The following LGR6 variants were observed in gnomAD, a reference collection of about 807,000 sequenced individuals.
LGR6 encodes leucine rich repeat containing G protein-coupled receptor 6, also known as leucine-rich repeat-containing G protein-coupled receptor 6.
Under a neutral mutation model 69.4 loss-of-function variants are expected in LGR6, and 45 were observed. The observed-to-expected ratio is 0.65, with a 90% CI of 0.51 to 0.83. The LOEUF (loss-of-function observed/expected upper bound fraction) is 0.83. Among genes scored for constraint, LGR6 ranks in the 40% least tolerant of loss-of-function variants. The pLI is 0.00. For missense variants in LGR6, 1,108 were observed against 1,246.7 expected, an observed-to-expected ratio of 0.89 and a Z score of 1.68; for synonymous variants, 538 against 555.0, an observed-to-expected ratio of 0.97 and a Z score of 0.43.
chr1:202,194,965 CCTGT>C (rs1410802279), intron 1 of LGR6, among the ~76,000 whole-genome samples: 3 of 152,178 alleles, frequency 2.0e-5, no homozygotes, highest in East Asian at 1.9e-4. Flanking sequence ...GGGCAGCTGT[CCTGT>C]CTGTCTGGCT....
At chr1:202,297,943 A>G (rs1667283518) in intron 7 of LGR6, among the ~76,000 whole-genome samples, 1 of 152,254 alleles carries the variant, frequency 6.6e-6, no homozygotes, top group Non-Finnish European at 1.5e-5. Flanking sequence ...ACTGGTTTAT[A>G]GGATCACTCC....
chr1:202,300,925 G>A lies in LGR6; in HGVS notation c.857+5G>A. 1.2e-6 allele frequency: 2 copies of A among 1,607,858 alleles called. No individual in the cohort carries two copies. The highest frequency in any genetic ancestry group is 1.7e-6 in the Non-Finnish European group (2 of 1,175,720). On this transcript the variant is annotated splice_donor_5th_base_variant and intron_variant, in intron 8 of 17. Transcript: ENST00000367278. ...GAACCCTCTGCTACAGACGATGTGA[G>A]TACTACTTTCTCTGGTCTCTTAATG...
Position 202,303,436 on chromosome 1 carries a change from G to A in LGR6, c.998+89G>A, listed in dbSNP as rs1667754087. On this transcript the variant is annotated intron_variant, in intron 10 of 17. Transcript: ENST00000367278. ...CTCCCTGCCCCTGGAAGGCTGTCTA[G>A]GTTCCTTGCTTCCCTTTTATCCAGC... 9 of 1,027,566 alleles carry A rather than the reference G, an allele frequency of 8.8e-6. No individual in the cohort carries two copies. In the Admixed American group the frequency reaches 1.6e-4, roughly 18 times the overall value. 63.7% of individuals were successfully genotyped at this position (1,027,566 alleles called of 1,614,324 possible). A position where few individuals can be genotyped will look rare whatever the true frequency, so the allele number is the denominator to read the frequency against.
chr1:202,218,674 C>A lies in LGR6; in HGVS notation c.213-6749C>A, dbSNP rs545063457. Among the ~76,000 whole-genome samples, 113 of 152,250 alleles carry A rather than the reference C, an allele frequency of 7.4e-4. 1 individual carries two copies. Among genetic ancestry groups the A allele is most frequent in the African/African-American group, 2.0e-3 (85 of 41,558 alleles). On this transcript the variant is annotated intron_variant, in intron 1 of 17. Coordinates refer to ENST00000367278, the MANE Select transcript of LGR6 (RefSeq NM_001017403.2). ...GCCCCCACAAGTAACATGAGGTGCT[C>A]TCTGGTGCTTTCCTCTCTGAACTCA...
intron 3 of LGR6, among the ~76,000 whole-genome samples, chr1:202,230,867 G>T (rs1321427199): frequency 6.6e-6 from 1 of 152,180 alleles, no homozygotes. Flanking sequence ...GGCTTCAGTT[G>T]CTTCTTACCA....
At chr1:202,216,547 T>C (rs1659795985) in intron 1 of LGR6, among the ~76,000 whole-genome samples, 1 of 152,240 alleles carries the variant, frequency 6.6e-6, no homozygotes, top group Non-Finnish European at 1.5e-5. Flanking sequence ...TTAAATTTAA[T>C]TTTAATGAAC....
chr1:202,279,114 T>C (rs1665814870), intron 5 of LGR6, among the ~76,000 whole-genome samples: 1 of 151,904 alleles, frequency 6.6e-6, no homozygotes, highest in Non-Finnish European at 1.5e-5. Context: ...GGGTGGAAAA[T>C]GGAGACAGGA....
intron 3 of LGR6, among the ~76,000 whole-genome samples, chr1:202,233,782 T>G (rs527912240): frequency 6.6e-6 from 1 of 152,310 alleles, no homozygotes; most frequent in South Asian, 2.1e-4. Context: ...TGTGAGACAC[T>G]GCCATTGAGG....
chr1:202,241,671 G>A (rs1384677596), intron 4 of LGR6, among the ~76,000 whole-genome samples: 3 of 151,790 alleles, frequency 2.0e-5, no homozygotes, highest in Admixed American at 1.3e-4. Flanking sequence ...GTGGGGGTGA[G>A]GCAGGGCAAG....
intron 1 of LGR6, among the ~76,000 whole-genome samples, chr1:202,220,866 A>T (rs557391446): frequency 6.6e-6 from 1 of 151,872 alleles, no homozygotes; most frequent in African/African-American, 2.4e-5. Flanking sequence ...CACACACACA[A>T]ACACATACAC....
chr1:202,210,163 G>A (rs923506938), intron 1 of LGR6, among the ~76,000 whole-genome samples: 1 of 152,104 alleles, frequency 6.6e-6, no homozygotes, highest in African/African-American at 2.4e-5. Context: ...TCAACTCTGG[G>A]GGAGGCCTCC....
rs138676908 is a variant in LGR6, at chr1:202,266,808, G to A, written c.429-9498G>A. ...CTTCTAGGAAGTTTGTCCTACCTCC[G>A]TGGCTGAAGGTTCCACACCCTTTAA... On this transcript the variant is annotated intron_variant, in intron 4 of 17. Transcript: ENST00000367278. Among the ~76,000 whole-genome samples, 23 of 152,032 alleles carry A rather than the reference G, an allele frequency of 1.5e-4. No individual in the cohort carries two copies. In the Middle Eastern group the frequency reaches 0.014, roughly 90 times the overall value.
intron 1 of LGR6, among the ~76,000 whole-genome samples, chr1:202,205,647 C>T (rs1274407811): frequency 3.4e-5 from 5 of 148,982 alleles, no homozygotes; most frequent in Non-Finnish European, 7.4e-5. Context: ...TTCAAACACA[C>T]ACACACACGC....
chr1:202,195,117 A>C (rs78934387), intron 1 of LGR6, among the ~76,000 whole-genome samples: 7 of 152,302 alleles, frequency 4.6e-5, no homozygotes, highest in Non-Finnish European at 1.0e-4. Context: ...AACCTCCTCC[A>C]GCCCAGCTCT....
At chr1:202,285,947 G>T (rs1666361638) in intron 6 of LGR6, among the ~76,000 whole-genome samples, 2 of 152,146 alleles carry the variant, frequency 1.3e-5, no homozygotes, top group African/African-American at 4.8e-5. Context: ...CTGGTGTCTG[G>T]TGGCAATCCT....
intron 4 of LGR6, among the ~76,000 whole-genome samples, chr1:202,260,490 T>A (rs765364830): frequency 3.3e-5 from 5 of 152,130 alleles, no homozygotes; most frequent in Non-Finnish European, 7.4e-5. Context: ...TGTGTCTCCA[T>A]GCCCAGCTAA....
At chr1:202,267,830 T>A (rs1407055309) in intron 4 of LGR6, among the ~76,000 whole-genome samples, 2 of 152,200 alleles carry the variant, frequency 1.3e-5, no homozygotes, top group Non-Finnish European at 2.9e-5. Flanking sequence ...AAGGCTGGCA[T>A]AATAGTAGGC....
At chr1:202,199,888 T>A (rs1658779711) in intron 1 of LGR6, among the ~76,000 whole-genome samples, 2 of 152,374 alleles carry the variant, frequency 1.3e-5, no homozygotes, top group African/African-American at 4.8e-5. Flanking sequence ...AAGGGTTTTT[T>A]ATGCTATAAG....
Position 202,235,996 on chromosome 1 carries a change from G to T in LGR6, c.428+3G>T. 6.2e-7 allele frequency: 1 copy of T among 1,613,168 alleles called. No individual in the cohort carries two copies. The highest frequency in any genetic ancestry group is 8.5e-7 in the Non-Finnish European group (1 of 1,179,456). ...GAGCTGCCGAGCCTGCAGTCGCTGT[G>T]AGTCATTAGAGGGCTGGTCTGGGAG... On this transcript the variant is annotated splice_donor_region_variant and intron_variant, in intron 4 of 17. Transcript: ENST00000367278.
Sources: allele counts gnomAD v4.1 joint callset (sites outside exome capture counted in the v4.1 genomes callset), GRCh38; gene constraint gnomAD v4.1.1; transcripts MANE v1.5; gene names NCBI Gene and HGNC (gene_info 2026-07-23, HGNC 2026-07-21).